Variants in CHLSN observed in about 807,000 individuals in gnomAD.
CHLSN encodes the protein cholesin, also known as protein cholesin.
the CHLSN span, chr7:1,092,406 C>G: frequency 6.2e-7 from 1 of 1,607,064 alleles, no homozygotes; most frequent in Non-Finnish European, 8.5e-7. Flanking sequence ...TCATCGTGCC[C>G]TTCGCCATCA....
chr7:980,991 CCAA>C, the CHLSN span, among the ~76,000 whole-genome samples: 1 of 152,038 alleles, frequency 6.6e-6, no homozygotes, highest in South Asian at 2.1e-4. Flanking sequence ...CTGCGCCTGG[CCAA>C]CGAGTTACTT....
chr7:1,055,162 A>G, the CHLSN span: 1 of 448,852 alleles, frequency 2.2e-6, no homozygotes, highest in Non-Finnish European at 4.6e-6. Context: ...CTCAGTTTGC[A>G]GTGCGGTCCC....
At chr7:1,133,870 A>C in the CHLSN span, among the ~76,000 whole-genome samples, 1 of 152,290 alleles carries the variant, frequency 6.6e-6, no homozygotes, top group East Asian at 1.9e-4. Flanking sequence ...ACAGTGGCAT[A>C]ATCACAGCTC....
the CHLSN span, chr7:1,010,164 T>C: frequency 6.3e-7 from 1 of 1,597,538 alleles, no homozygotes. Context: ...AGGAACACAT[T>C]AGGCTTCGGG....
the CHLSN span, among the ~76,000 whole-genome samples, chr7:1,003,234 T>C: frequency 3.7e-5 from 1 of 26,918 alleles, no homozygotes; most frequent in Non-Finnish European, 6.4e-5. Context: ...TGGAGTCCTG[T>C]GGGTGGGGAG....
the CHLSN span, chr7:983,331 C>A: frequency 6.5e-7 from 1 of 1,539,324 alleles, no homozygotes. Flanking sequence ...CGCTGCCGCT[C>A]GTCGGGAACC....
At chr7:1,092,926 C>A in the CHLSN span, 1 of 1,403,778 alleles carries the variant, frequency 7.1e-7, no homozygotes, top group Non-Finnish European at 1.0e-6. Context: ...GGACACAAGG[C>A]ACGGCCACGT....
the CHLSN span, among the ~76,000 whole-genome samples, chr7:1,020,918 G>A: frequency 4.1e-4 from 63 of 152,336 alleles, no homozygotes; most frequent in African/African-American, 1.3e-3. Context: ...CTGGGGTTAC[G>A]AAAGACACCA....
the CHLSN span, among the ~76,000 whole-genome samples, chr7:1,119,875 C>CA: frequency 0.3 from 34,934 of 117,684 alleles, 4,452 homozygotes; most frequent in African/African-American, 0.33. Context: ...GAAACTCCGT[C>CA]AAAAAAAAAA....
At chr7:1,104,004 G>C in the CHLSN span, among the ~76,000 whole-genome samples, 1 of 152,222 alleles carries the variant, frequency 6.6e-6, no homozygotes, top group Non-Finnish European at 1.5e-5. Context: ...CTGTGCTTTG[G>C]GATCTCGGTG....
At chr7:1,031,396 G>C in the CHLSN span, among the ~76,000 whole-genome samples, 18,427 of 88,356 alleles carry the variant, frequency 0.21, 1,884 homozygotes, top group Middle Eastern at 0.43. Flanking sequence ...TGGTCCGGGG[G>C]GGCAGAGACC....
chr7:983,371 C>G, the CHLSN span: 4 of 1,523,162 alleles, frequency 2.6e-6, no homozygotes, highest in East Asian at 2.5e-5. Flanking sequence ...GCAACAGGAC[C>G]GGTCCCTGAT....
chr7:1,080,124 C>G, the CHLSN span, among the ~76,000 whole-genome samples: 1 of 152,224 alleles, frequency 6.6e-6, no homozygotes, highest in Non-Finnish European at 1.5e-5. Context: ...CTGGCAGAAA[C>G]GCAAAACAGA....
the CHLSN span, among the ~76,000 whole-genome samples, chr7:1,117,082 C>T: frequency 2.5e-5 from 3 of 121,472 alleles, no homozygotes; most frequent in South Asian, 8.3e-4. Context: ...GACATCACTA[C>T]AGCTCTACGG....
chr7:984,411 G>A, the CHLSN span: 1 of 1,547,112 alleles, frequency 6.5e-7, no homozygotes, highest in African/African-American at 1.4e-5. Flanking sequence ...ATCCCTGCCA[G>A]CTCTCAGAAC....
chr7:1,033,090 G>C, the CHLSN span, among the ~76,000 whole-genome samples: 1 of 152,192 alleles, frequency 6.6e-6, no homozygotes, highest in Non-Finnish European at 1.5e-5. Flanking sequence ...AGCCCAGCTC[G>C]GTCTGTGAAG....
chr7:1,013,198 G>T, the CHLSN span, among the ~76,000 whole-genome samples: 94 of 152,338 alleles, frequency 6.2e-4, 1 homozygote, highest in African/African-American at 2.1e-3. Flanking sequence ...GAGCAGCGGA[G>T]AACTTTCTCT....
chr7:1,071,800 C>T, the CHLSN span, among the ~76,000 whole-genome samples: 11,402 of 152,310 alleles, frequency 0.075, 467 homozygotes, highest in Admixed American at 0.11. Flanking sequence ...CTGCGGGCGA[C>T]ACCACATACA....
the CHLSN span, among the ~76,000 whole-genome samples, chr7:1,065,396 C>T: frequency 6.6e-6 from 1 of 152,224 alleles, no homozygotes; most frequent in Non-Finnish European, 1.5e-5. Flanking sequence ...CATAAGAGCC[C>T]AACACTGGAA....
Sources: allele counts gnomAD v4.1 joint callset (sites outside exome capture counted in the v4.1 genomes callset), GRCh38; gene constraint gnomAD v4.1.1; transcripts MANE v1.5; gene names NCBI Gene and HGNC (gene_info 2026-07-23, HGNC 2026-07-21).